Variants in DNM3 observed in about 807,000 individuals in gnomAD.
DNM3 encodes dynamin-3.
In DNM3, 47 loss-of-function variants were observed where a neutral mutation model predicts 101.6. That is an observed-to-expected ratio of 0.46 (90% CI 0.37 to 0.59). The LOEUF (loss-of-function observed/expected upper bound fraction) is 0.59. DNM3 is among the 20% of genes least tolerant of loss of function. The pLI, the probability that DNM3 is intolerant of heterozygous loss-of-function variation, is 0.00. For missense variants in DNM3, 849 were observed against 1,085.7 expected, an observed-to-expected ratio of 0.78 and a Z score of 3.06; for synonymous variants, 385 against 387.9, an observed-to-expected ratio of 0.99 and a Z score of 0.09.
At chr1:172,348,471 A>G (rs573678594) in intron 17 of DNM3, among the ~76,000 whole-genome samples, 2 of 152,262 alleles carry the variant, frequency 1.3e-5, no homozygotes, top group East Asian at 3.9e-4. Flanking sequence ...CCTGTACAAT[A>G]TCGTTCAACA....
At chr1:171,845,485 C>G (rs968786411) in intron 1 of DNM3, among the ~76,000 whole-genome samples, 23 of 152,102 alleles carry the variant, frequency 1.5e-4, no homozygotes, top group Admixed American at 1.3e-4. Flanking sequence ...TCCAGGAGGT[C>G]AAAGCTGTAA....
At chr1:172,020,491 C>A (rs922130861) in intron 4 of DNM3, among the ~76,000 whole-genome samples, 1 of 151,884 alleles carries the variant, frequency 6.6e-6, no homozygotes, top group Non-Finnish European at 1.5e-5. Flanking sequence ...GAGGCTGAGG[C>A]GGGCATATCA....
At chr1:172,103,879 T>C (rs541723814) in intron 13 of DNM3, among the ~76,000 whole-genome samples, 17 of 152,174 alleles carry the variant, frequency 1.1e-4, no homozygotes, top group Non-Finnish European at 2.4e-4. Flanking sequence ...TGCATGCCTG[T>C]AATTTCAGCT....
At chr1:172,211,705 C>T (rs747492911) in intron 14 of DNM3, among the ~76,000 whole-genome samples, 1 of 151,854 alleles carries the variant, frequency 6.6e-6, no homozygotes, top group Admixed American at 6.6e-5. Flanking sequence ...AGATGAACAG[C>T]GAAAGGAAAA....
chr1:172,355,107 A>G (rs560016214), intron 17 of DNM3, among the ~76,000 whole-genome samples: 6 of 152,278 alleles, frequency 3.9e-5, no homozygotes, highest in Admixed American at 2.0e-4. Context: ...AAGCTGAGAA[A>G]TTAAAGTGGA....
At chr1:172,026,674 A>T (rs1191588949) in intron 4 of DNM3, among the ~76,000 whole-genome samples, 4 of 148,038 alleles carry the variant, frequency 2.7e-5, no homozygotes, top group South Asian at 2.1e-4. Flanking sequence ...TTTTTTTTTG[A>T]GACAGAATCT....
intron 17 of DNM3, among the ~76,000 whole-genome samples, chr1:172,324,423 G>T (rs1471925114): frequency 6.6e-6 from 1 of 152,152 alleles, no homozygotes; most frequent in Non-Finnish European, 1.5e-5. Flanking sequence ...TGACATACAT[G>T]GTTGGTATTG....
chr1:172,104,147 G>C (rs2054845366), intron 13 of DNM3, among the ~76,000 whole-genome samples: 1 of 151,952 alleles, frequency 6.6e-6, no homozygotes. Flanking sequence ...AAATAGTCTG[G>C]GTATTAGTTT....
At chr1:172,160,040 A>G (rs1013039991) in intron 14 of DNM3, among the ~76,000 whole-genome samples, 20 of 151,570 alleles carry the variant, frequency 1.3e-4, no homozygotes, top group Admixed American at 4.6e-4. Flanking sequence ...GAAAAACTAC[A>G]GTAAAAATAC....
At chr1:171,864,572 C>T (rs190433539) in intron 1 of DNM3, 46 of 152,190 alleles carry the variant, frequency 3.0e-4, no homozygotes, top group African/African-American at 1.1e-3. Context: ...AAGTGGAGGC[C>T]CCTGAGCTTA....
chr1:171,867,150 G>A (rs1477187936), intron 1 of DNM3, among the ~76,000 whole-genome samples: 1 of 152,178 alleles, frequency 6.6e-6, no homozygotes, highest in Non-Finnish European at 1.5e-5. Flanking sequence ...GTAGGAGTGT[G>A]GCCTTTAGGG....
chr1:172,131,234 G>A lies in DNM3; in HGVS notation c.1605G>A (p.Lys535=). The A allele has an allele frequency of 1.9e-6, 3 of 1,613,414 alleles. No individual in the cohort carries two copies. The South Asian group carries it at 3.3e-5, about 18-fold the overall frequency. ...SNIGIMKGGS[K]GYWFVLTAES... ...TTGGCATCATGAAAGGCGGCTCGAAGGGATACTGGTTCGTCCTTACTGCGG... is the reference window on the plus strand; with the variant it reads ...TTGGCATCATGAAAGGCGGCTCGAAAGGATACTGGTTCGTCCTTACTGCGG... Residue 535 remains lysine, a synonymous_variant, in exon 14 of 21, where the codon AAG becomes AAA. Transcript: ENST00000627582.
intron 1 of DNM3, among the ~76,000 whole-genome samples, chr1:171,900,910 C>T (rs900402841): frequency 1.3e-5 from 2 of 151,198 alleles, no homozygotes; most frequent in Non-Finnish European, 2.9e-5. Context: ...AGATCGAGAC[C>T]ATCCTGGCCA....
chr1:172,186,884 A>T (rs2059546251), intron 14 of DNM3, among the ~76,000 whole-genome samples: 1 of 152,096 alleles, frequency 6.6e-6, no homozygotes, highest in African/African-American at 2.4e-5. Flanking sequence ...AAGATTGTTC[A>T]TGGATCATGG....
intron 14 of DNM3, among the ~76,000 whole-genome samples, chr1:172,230,838 C>T (rs1258538234): frequency 2.6e-5 from 4 of 152,122 alleles, no homozygotes; most frequent in African/African-American, 9.7e-5. Context: ...CATCTTAGAA[C>T]ACATTCTCCT....
intron 7 of DNM3, 122 bp downstream of exon 7, chr1:172,038,583 A>G: frequency 1.6e-6 from 2 of 1,222,066 alleles, no homozygotes; most frequent in East Asian, 4.7e-5. Flanking sequence ...GGCTATCTAT[A>G]TGATACAAGA....
intron 14 of DNM3, among the ~76,000 whole-genome samples, chr1:172,223,443 G>GT (rs2060989151): frequency 6.6e-6 from 1 of 151,842 alleles, no homozygotes; most frequent in Non-Finnish European, 1.5e-5. Context: ...AGTCTTTATA[G>GT]TTTTTTACAT....
chr1:171,956,493 C>T (rs1350200280), intron 2 of DNM3, among the ~76,000 whole-genome samples: 2 of 152,160 alleles, frequency 1.3e-5, no homozygotes. Flanking sequence ...GGTAGCTCTG[C>T]CCCTGTGGCT....
intron 14 of DNM3, among the ~76,000 whole-genome samples, chr1:172,201,529 T>C (rs2060151507): frequency 6.6e-6 from 1 of 152,196 alleles, no homozygotes; most frequent in Non-Finnish European, 1.5e-5. Flanking sequence ...GTCTGTGCTA[T>C]GGGCCCAAGC....
Sources: allele counts gnomAD v4.1 joint callset (sites outside exome capture counted in the v4.1 genomes callset), GRCh38; gene constraint gnomAD v4.1.1; transcripts MANE v1.5; gene names NCBI Gene and HGNC (gene_info 2026-07-23, HGNC 2026-07-21).